Variants in APAF1 observed in about 807,000 individuals in gnomAD.
The protein encoded by APAF1 is apoptotic protease-activating factor 1.
Under a neutral mutation model 152.4 loss-of-function variants are expected in APAF1, and 91 were observed. The observed-to-expected ratio is 0.60, with a 90% confidence interval of 0.50 to 0.71. The LOEUF (loss-of-function observed/expected upper bound fraction) is 0.71. APAF1 is among the 30% of genes least tolerant of loss of function. The pLI is 0.00. For missense variants in APAF1, 1,283 were observed against 1,472.0 expected (o/e 0.87, Z 2.10); for synonymous variants, 484 against 494.1 (o/e 0.98, Z 0.27).
chr12:98,656,969 T>A (rs1338495871), intron 4 of APAF1, among the ~76,000 whole-genome samples: 1 of 152,200 alleles, frequency 6.6e-6, no homozygotes, highest in Non-Finnish European at 1.5e-5. Context: ...TCTTATGCTC[T>A]TTGTCTGTTA....
intron 12 of APAF1, among the ~76,000 whole-genome samples, chr12:98,677,154 GATTA>G (rs1394729687): frequency 6.6e-6 from 1 of 152,178 alleles, no homozygotes; most frequent in African/African-American, 2.4e-5. Flanking sequence ...TGATTAATTT[GATTA>G]ATTAGATTTC....
At chr12:98,684,126 G>A (rs1010043086) in intron 15 of APAF1, among the ~76,000 whole-genome samples, 1 of 152,022 alleles carries the variant, frequency 6.6e-6, no homozygotes, top group African/African-American at 2.4e-5. Context: ...AGACATTTCA[G>A]TTTGGAAAAC....
chr12:98,658,380 C>T (rs530595603), intron 4 of APAF1, among the ~76,000 whole-genome samples: 67 of 152,294 alleles, frequency 4.4e-4, no homozygotes, highest in African/African-American at 1.5e-3. Flanking sequence ...GTAAGTTGCT[C>T]TCAGATCCAT....
At position 98,732,966 on chromosome 12, in the gene APAF1, C is replaced by A. The variant is rs1384586349; in HGVS notation, c.*400C>A. 4.8e-6 allele frequency: 1 copy of A among 206,408 alleles called. No individual in the cohort carries two copies. The highest frequency in any genetic ancestry group is 2.4e-5 in the African/African-American group (1 of 42,010). The allele number at this position is 206,408 out of a possible 1,614,324, so 12.8% of individuals were successfully genotyped here. On this transcript the variant is annotated 3_prime_UTR_variant, in exon 27 of 27. Transcript: ENST00000551964. ...TGTGCCTCAGGGTAGCAGTGGCCTG[C>A]TTTTTGAACCACACTTACCCCAAGG... is the stretch of plus-strand genomic sequence containing the variant.
chr12:98,665,902 A>AGGTGGTGG, intron 8 of APAF1, 111 bp downstream of exon 8: 2 of 989,054 alleles, frequency 2.0e-6, no homozygotes, highest in Admixed American at 1.8e-5. Context: ...CAGGGGACTG[A>AGGTGGTGG]GGTGGTGGGG....
chr12:98,667,792 G>C, intron 10 of APAF1, 148 bp downstream of exon 10: 1 of 546,110 alleles, frequency 1.8e-6, no homozygotes, highest in Non-Finnish European at 2.8e-6. Flanking sequence ...TTTTTTTTGA[G>C]ACAGGGTCTC....
intron 18 of APAF1, among the ~76,000 whole-genome samples, chr12:98,704,898 G>C (rs2097719710): frequency 6.6e-6 from 1 of 152,084 alleles, no homozygotes; most frequent in African/African-American, 2.4e-5. Flanking sequence ...TCTTGCCTTA[G>C]CTTTCTGAGT....
At chr12:98,662,254 C>G (rs1378501885) in intron 5 of APAF1, among the ~76,000 whole-genome samples, 1 of 146,852 alleles carries the variant, frequency 6.8e-6, no homozygotes, top group African/African-American at 2.5e-5. Flanking sequence ...AAGGCAGTCT[C>G]TAATTTTTTT....
chr12:98,733,244 C>T lies in APAF1; in HGVS notation c.*678C>T, dbSNP rs192421145. Reference sequence around the variant, plus strand: ...CTGCCTCCTGGGTTCAAGCAATTCTCCTGCCTCAGCCTCCCGAGTAGCTGG... The same window carrying T: ...CTGCCTCCTGGGTTCAAGCAATTCTTCTGCCTCAGCCTCCCGAGTAGCTGG... On this transcript the variant is annotated 3_prime_UTR_variant, in exon 27 of 27. Coordinates refer to ENST00000551964, the MANE Select transcript of APAF1 (RefSeq NM_181861.2). The T allele has an allele frequency of 6.5e-6, 1 of 152,806 alleles. No individual in the cohort carries two copies. Among genetic ancestry groups the T allele is most frequent in the Non-Finnish European group, 1.5e-5 (1 of 68,654 alleles). The allele number at this position is 152,806 out of a possible 1,614,324, so 9.5% of individuals were successfully genotyped here.
chr12:98,709,415 T>C (rs1292960196), intron 20 of APAF1, among the ~76,000 whole-genome samples: 1 of 152,066 alleles, frequency 6.6e-6, no homozygotes, highest in Non-Finnish European at 1.5e-5. Flanking sequence ...AGGAATGGTA[T>C]TCAGGAGCTC....
chr12:98,692,158 C>T (rs1029711448), intron 16 of APAF1, among the ~76,000 whole-genome samples: 2 of 151,452 alleles, frequency 1.3e-5, no homozygotes, highest in African/African-American at 4.9e-5. Flanking sequence ...TCTCGGCTCA[C>T]TGCAAGCTCC....
intron 7 of APAF1, among the ~76,000 whole-genome samples, chr12:98,664,003 G>T (rs2097668954): frequency 6.7e-6 from 1 of 149,246 alleles, no homozygotes. Flanking sequence ...AGTTTTGTTT[G>T]TTTATTTATT....
At chr12:98,723,148 A>G (rs750361334) in intron 22 of APAF1, 45 bp from the exon 23 acceptor site, 2 of 1,598,122 alleles carry the variant, frequency 1.3e-6, no homozygotes, top group East Asian at 2.3e-5. Context: ...CCAATGAGAT[A>G]GGATCGGGGG....
intron 26 of APAF1, among the ~76,000 whole-genome samples, chr12:98,730,743 C>G (rs1565899864): frequency 1.3e-5 from 2 of 152,192 alleles, no homozygotes; most frequent in Non-Finnish European, 2.9e-5. Context: ...AAAGGAACAG[C>G]TGCTGTAGTG....
intron 19 of APAF1, among the ~76,000 whole-genome samples, chr12:98,707,963 T>C (rs1185046681): frequency 6.6e-6 from 1 of 152,216 alleles, no homozygotes; most frequent in African/African-American, 2.4e-5. Context: ...TTTTGTTTTT[T>C]TGAGACGGAG....
chr12:98,667,765 ATTT>A (rs71305589), intron 10 of APAF1, 121 bp downstream of exon 10: 6,257 of 308,836 alleles, frequency 0.02, no homozygotes, highest in East Asian at 0.03. Context: ...TTTCCATTTG[ATTT>A]TTTTTTTTTT....
rs1593033197 is a variant in APAF1 at position 98,661,750 on chromosome 12, T to C, written c.711-706T>C. On this transcript the variant is annotated intron_variant, in intron 5 of 26. Coordinates refer to ENST00000551964, the MANE Select transcript of APAF1 (RefSeq NM_181861.2). ...TCCCAAAGTGCTGGGATTACAGGCC[T>C]AGAGTATTTTTTTTTTTGTAATGCA... Among the ~76,000 whole-genome samples the C allele has an allele frequency of 3.3e-5, 5 of 152,140 alleles. No homozygotes were observed. The South Asian group carries it at 1.0e-3, about 32-fold the overall frequency.
At chr12:98,696,365 T>A (rs192902328) in intron 16 of APAF1, among the ~76,000 whole-genome samples, 229 of 152,240 alleles carry the variant, frequency 1.5e-3, no homozygotes, top group African/African-American at 5.1e-3. Flanking sequence ...CCCGCACTCT[T>A]GAGAACTAAT....
At chr12:98,704,097 AT>A (rs1164990791) in intron 18 of APAF1, among the ~76,000 whole-genome samples, 2 of 150,838 alleles carry the variant, frequency 1.3e-5, no homozygotes, top group East Asian at 3.9e-4. Flanking sequence ...GTAGTGAATT[AT>A]TTTTTTCCTT....
Sources: gnomAD v4.1 joint callset for allele counts (sites outside exome capture counted in the v4.1 genomes callset) on GRCh38, gnomAD v4.1.1 for gene constraint, MANE v1.5 for transcripts, NCBI Gene and HGNC (gene_info 2026-07-23, HGNC 2026-07-21) for gene names.